The following PLD1 variants were observed in gnomAD, a reference collection of about 807,000 sequenced individuals.
PLD1 encodes phospholipase D1.
A neutral mutation model predicts 137.1 loss-of-function variants in PLD1; 112 were observed. That is an observed-to-expected ratio of 0.82 (90% CI 0.70 to 0.96). The LOEUF (loss-of-function observed/expected upper bound fraction) is 0.96, where lower values mean the gene tolerates loss of function less well. PLD1 is among the 40% of genes least tolerant of loss of function. The pLI is 0.00. For synonymous variants in PLD1, 431 were observed against 454.7 expected, an observed-to-expected ratio of 0.95 and a Z score of 0.66; for missense variants, 1,321 against 1,342.0, an observed-to-expected ratio of 0.98 and a Z score of 0.24.
chr3:171,614,908 A>G (rs1732977307), intron 24 of PLD1, among the ~76,000 whole-genome samples: 1 of 152,194 alleles, frequency 6.6e-6, no homozygotes, highest in Non-Finnish European at 1.5e-5. Context: ...ATACATTTCC[A>G]GCATTCTGAG....
intron 1 of PLD1, among the ~76,000 whole-genome samples, chr3:171,742,383 G>A (rs1210934008): frequency 2.0e-5 from 3 of 152,088 alleles, no homozygotes; most frequent in Admixed American, 6.6e-5. Flanking sequence ...GTGCCACTAC[G>A]CATGGCTAAA....
intron 23 of PLD1, among the ~76,000 whole-genome samples, chr3:171,639,372 TG>T (rs1355625350): frequency 6.9e-5 from 9 of 131,278 alleles, no homozygotes; most frequent in Non-Finnish European, 1.2e-4. Context: ...ATTATATAGA[TG>T]GATATATAAA....
intron 1 of PLD1, among the ~76,000 whole-genome samples, chr3:171,746,306 G>C (rs940347911): frequency 2.6e-5 from 4 of 152,248 alleles, no homozygotes; most frequent in Admixed American, 1.3e-4. Flanking sequence ...TGCAGCCTGG[G>C]CACGGGATCC....
intron 18 of PLD1, 105 bp downstream of exon 18, chr3:171,676,610 G>A: frequency 1.2e-6 from 1 of 859,074 alleles, no homozygotes; most frequent in African/African-American, 1.7e-5. Context: ...TGACACAGTT[G>A]TGGCCACAAC....
intron 25 of PLD1, among the ~76,000 whole-genome samples, chr3:171,607,949 G>C: frequency 6.6e-6 from 1 of 152,082 alleles, no homozygotes; most frequent in Non-Finnish European, 1.5e-5. Flanking sequence ...GAGTGAAACT[G>C]CATTTTTTAA....
At chr3:171,764,942 GAAAGAAA>G (rs1203166914) in intron 1 of PLD1, among the ~76,000 whole-genome samples, 634 of 15,348 alleles carry the variant, frequency 0.041, 130 homozygotes, top group South Asian at 0.071. Flanking sequence ...AGGAAAGAAA[GAAAGAAA>G]GAAAGAAAGA....
intron 8 of PLD1, among the ~76,000 whole-genome samples, chr3:171,720,410 G>A (rs1410517182): frequency 1.3e-5 from 2 of 151,340 alleles, no homozygotes; most frequent in African/African-American, 4.9e-5. Flanking sequence ...GTGAAACCCC[G>A]TCTCTACTAA....
intron 1 of PLD1, among the ~76,000 whole-genome samples, chr3:171,774,769 G>A (rs1193143457): frequency 2.0e-5 from 3 of 152,214 alleles, no homozygotes; most frequent in African/African-American, 7.2e-5. Flanking sequence ...GGTTACTAAT[G>A]CCATTCACAG....
chr3:171,734,738 C>A (rs1401333660), intron 5 of PLD1, 127 bp downstream of exon 5: 4 of 615,476 alleles, frequency 6.5e-6, no homozygotes, highest in Middle Eastern at 3.1e-4. Context: ...AAAAGCTAAA[C>A]CAGCCTGGGG....
chr3:171,803,757 C>T (rs932944750), intron 1 of PLD1, among the ~76,000 whole-genome samples: 5 of 152,066 alleles, frequency 3.3e-5, no homozygotes, highest in Non-Finnish European at 7.4e-5. Flanking sequence ...CCTATCATGG[C>T]CGCTTCCAAG....
Position 171,662,084 on chromosome 3 carries a change from G to C in PLD1, c.2316C>G (p.Asn772Lys). The change falls in exon 20 of 27, where the codon AAC (asparagine) becomes AAG (lysine). Residue 772 changes from asparagine to lysine, a missense_variant. Physicochemically the swap from Asn to Lys is moderately conservative, Grantham distance 94. Transcript: ENST00000351298. ...CTTCGATATAGATATAGTGCCTGCT[G>C]TTCTCTATCACATGGACGTAAGCGG... ...IHAAYVHVIE[N>K]SRHYIYIENQ... 6.2e-7 allele frequency: 1 copy of C among 1,607,352 alleles called. No individual in the cohort carries two copies. Among genetic ancestry groups the C allele is most frequent in the Non-Finnish European group, 8.5e-7 (1 of 1,173,868 alleles).
rs186178993 is a variant in PLD1, at chr3:171,795,927, C to T, written c.-32+14472G>A. On this transcript the variant is annotated intron_variant, in intron 1 of 26. Transcript: ENST00000351298. ...CTTCTGCTTCTAGTCCCTAAAGTGTCCATGAATATCTCTATTCTAGTTTTG... is the reference window on the plus strand; with the variant it reads ...CTTCTGCTTCTAGTCCCTAAAGTGTTCATGAATATCTCTATTCTAGTTTTG... Among the ~76,000 whole-genome samples the T allele has an allele frequency of 1.4e-4, 22 of 152,272 alleles. No individual in the cohort carries two copies. In the East Asian group the frequency reaches 3.9e-3, roughly 27 times the overall value.
At chr3:171,807,061 C>T (rs982429617) in intron 1 of PLD1, among the ~76,000 whole-genome samples, 3 of 152,172 alleles carry the variant, frequency 2.0e-5, no homozygotes, top group Non-Finnish European at 4.4e-5. Context: ...TAATCCAGCA[C>T]TTTGGGAAGC....
At chr3:171,730,072 G>A (rs1005267135) in intron 6 of PLD1, among the ~76,000 whole-genome samples, 1 of 152,134 alleles carries the variant, frequency 6.6e-6, no homozygotes, top group Non-Finnish European at 1.5e-5. Flanking sequence ...TATGAAAAAG[G>A]TACATTTATT....
intron 1 of PLD1, among the ~76,000 whole-genome samples, chr3:171,746,371 T>C (rs1395925332): frequency 1.3e-5 from 2 of 152,260 alleles, no homozygotes; most frequent in African/African-American, 4.8e-5. Flanking sequence ...AGAACATTTA[T>C]GTCTAGCTGG....
chr3:171,751,618 C>G (rs978877180), intron 1 of PLD1, among the ~76,000 whole-genome samples: 1 of 152,114 alleles, frequency 6.6e-6, no homozygotes, highest in Non-Finnish European at 1.5e-5. Flanking sequence ...TTCATTGGAT[C>G]GGAAAATTTT....
chr3:171,642,326 G>A (rs1352223983), intron 23 of PLD1, among the ~76,000 whole-genome samples: 6 of 151,456 alleles, frequency 4.0e-5, no homozygotes, highest in Admixed American at 1.3e-4. Flanking sequence ...GCATGGTGGC[G>A]CACACCTGTA....
intron 1 of PLD1, among the ~76,000 whole-genome samples, chr3:171,751,779 T>A (rs765902684): frequency 6.6e-6 from 1 of 152,156 alleles, no homozygotes; most frequent in Admixed American, 6.5e-5. Flanking sequence ...GACAGGCGGA[T>A]CACGAGGTCA....
At chr3:171,712,081 G>A (rs1170700212) in intron 9 of PLD1, among the ~76,000 whole-genome samples, 1 of 152,164 alleles carries the variant, frequency 6.6e-6, no homozygotes, top group Admixed American at 6.5e-5. Flanking sequence ...ACGCAGGGAA[G>A]GGGGCTGTGT....
Sources: gnomAD v4.1 joint callset for allele counts (sites outside exome capture counted in the v4.1 genomes callset) on GRCh38, gnomAD v4.1.1 for gene constraint, MANE v1.5 for transcripts, NCBI Gene and HGNC (gene_info 2026-07-23, HGNC 2026-07-21) for gene names.